The following GAS2 variants were observed in gnomAD, a reference collection of about 807,000 sequenced individuals.
GAS2 encodes growth arrest-specific protein 2.
A neutral mutation model predicts 37.5 loss-of-function variants in GAS2; 20 were observed. The observed-to-expected ratio is 0.53, with a 90% CI of 0.37 to 0.77. The LOEUF (loss-of-function observed/expected upper bound fraction) is 0.77, where lower values mean the gene tolerates loss of function less well. Ranked by LOEUF, GAS2 falls within the 30% of genes least tolerant of loss-of-function variation. The pLI, the probability that GAS2 is intolerant of heterozygous loss-of-function variation, is 0.00. For synonymous variants in GAS2, 144 were observed against 132.2 expected (o/e 1.09, Z -0.61); for missense variants, 336 against 373.4 (o/e 0.90, Z 0.82).
At chr11:22,652,069 G>C (rs564882749) in intron 1 of GAS2, among the ~76,000 whole-genome samples, 4 of 152,282 alleles carry the variant, frequency 2.6e-5, no homozygotes, top group African/African-American at 7.2e-5. Context: ...TTTAGTCTTT[G>C]ATGATGGTGA....
At chr11:22,737,966 C>G (rs1852846773) in intron 5 of GAS2, among the ~76,000 whole-genome samples, 198 bp downstream of exon 5, 1 of 152,196 alleles carries the variant, frequency 6.6e-6, no homozygotes, top group Admixed American at 6.5e-5. Flanking sequence ...ACCTCAAGAT[C>G]TTGTTGTCAA....
At chr11:22,758,039 G>A (rs964509828) in intron 7 of GAS2, among the ~76,000 whole-genome samples, 2 of 152,126 alleles carry the variant, frequency 1.3e-5, no homozygotes, top group African/African-American at 4.8e-5. Flanking sequence ...GATTATGCTA[G>A]TACTTTCAGT....
At chr11:22,655,714 G>A (rs1848846938) in intron 1 of GAS2, among the ~76,000 whole-genome samples, 1 of 152,136 alleles carries the variant, frequency 6.6e-6, no homozygotes, top group African/African-American at 2.4e-5. Flanking sequence ...TGTATGATTT[G>A]GCAGGGCTCA....
chr11:22,677,789 C>A (rs1019470146), intron 2 of GAS2, among the ~76,000 whole-genome samples: 1 of 152,262 alleles, frequency 6.6e-6, no homozygotes. Context: ...AGTCACTCAG[C>A]TATCTTTTCT....
intron 7 of GAS2, among the ~76,000 whole-genome samples, chr11:22,783,106 G>A (rs1459836062): frequency 2.6e-5 from 4 of 151,910 alleles, no homozygotes; most frequent in Non-Finnish European, 4.4e-5. Context: ...GCTTGCCAAC[G>A]TCCTTTTCTT....
At chr11:22,765,180 G>A (rs1341608696) in intron 7 of GAS2, among the ~76,000 whole-genome samples, 1 of 152,074 alleles carries the variant, frequency 6.6e-6, no homozygotes, top group African/African-American at 2.4e-5. Context: ...GATGTTGTGT[G>A]TGTGTATATA....
At chr11:22,641,283 TATATCTTTATA>T (rs1848625356) in intron 1 of GAS2, among the ~76,000 whole-genome samples, 4 of 112,500 alleles carry the variant, frequency 3.6e-5, no homozygotes, top group East Asian at 2.7e-4. Flanking sequence ...TATATATATC[TATATCTTTATA>T]TATATATCTT....
chr11:22,766,357 T>G (rs139917247), intron 7 of GAS2, among the ~76,000 whole-genome samples: 14 of 152,104 alleles, frequency 9.2e-5, no homozygotes, highest in Non-Finnish European at 1.9e-4. Context: ...GATTACACAG[T>G]AAGTGTCAAA....
intron 7 of GAS2, among the ~76,000 whole-genome samples, chr11:22,796,854 G>A (rs996471681): frequency 1.3e-5 from 2 of 152,070 alleles, no homozygotes; most frequent in Non-Finnish European, 2.9e-5. Flanking sequence ...ATGTGGCCCT[G>A]TCTGCTTAGT....
At chr11:22,693,194 G>T (rs2133980328) in intron 3 of GAS2, among the ~76,000 whole-genome samples, 1 of 152,284 alleles carries the variant, frequency 6.6e-6, no homozygotes, top group Non-Finnish European at 1.5e-5. Context: ...GCTGGAGATG[G>T]TGTATAGGAT....
chr11:22,733,066 A>G (rs1169304345), intron 4 of GAS2, among the ~76,000 whole-genome samples: 3 of 151,526 alleles, frequency 2.0e-5, no homozygotes, highest in Non-Finnish European at 3.0e-5. Flanking sequence ...CCATGCCTAT[A>G]CTGCTGGTCT....
chr11:22,662,603 C>T (rs996510957), upstream of GAS2, among the ~76,000 whole-genome samples: 2 of 151,858 alleles, frequency 1.3e-5, no homozygotes, highest in Non-Finnish European at 2.9e-5. Flanking sequence ...AGTAACATGA[C>T]ATAGACTTTT....
chr11:22,727,398 C>T (rs1321551536), intron 4 of GAS2, among the ~76,000 whole-genome samples: 1 of 152,008 alleles, frequency 6.6e-6, no homozygotes, highest in East Asian at 1.9e-4. Flanking sequence ...ACCTTCCAAA[C>T]AGCCAAAATG....
In GAS2 at chr11:22,641,259, T is replaced by C. The variant is rs1046920488; in HGVS notation, c.-21+15446T>C. On this transcript the variant is annotated intron_variant, in intron 1 of 5. Transcript: ENST00000528582. ...ATATATGTGTATATATATATATCTT[T>C]ATATATATATCTTTATATATATCTA... Among the ~76,000 whole-genome samples, 15 of 138,666 alleles carry C rather than the reference T, an allele frequency of 1.1e-4. No homozygotes were observed. The South Asian group carries it at 2.8e-3, about 26-fold the overall frequency. The allele number at this position is 138,666 out of a possible 152,430, so 91.0% of individuals were successfully genotyped here.
intron 7 of GAS2, among the ~76,000 whole-genome samples, chr11:22,802,011 A>T (rs115375177): frequency 0.015 from 2,287 of 148,218 alleles, 64 homozygotes; most frequent in African/African-American, 0.053. Context: ...GAGAAAATAT[A>T]AAAAAAAAAG....
rs533316502 is a variant in GAS2 at position 22,650,903 on chromosome 11, A to G, written c.-20-23947A>G. Among the ~76,000 whole-genome samples the G allele has an allele frequency of 2.6e-3, 389 of 150,884 alleles. 3 individuals are homozygous for G. The highest frequency in any genetic ancestry group is 9.1e-3 in the African/African-American group (377 of 41,382). ...CCAGTCTGTGTCTTTTAATTGGAGC[A>G]TTTAGTCCATTTACATTTAAAGTTA... On this transcript the variant is annotated intron_variant, in intron 1 of 5. Coordinates refer to the GAS2 transcript ENST00000528582.
intron 1 of GAS2, among the ~76,000 whole-genome samples, chr11:22,658,186 C>G (rs2133842128): frequency 1.3e-5 from 2 of 152,132 alleles, no homozygotes; most frequent in South Asian, 4.2e-4. Flanking sequence ...CCACCATGCT[C>G]AGCTAATTTT....
intron 7 of GAS2, among the ~76,000 whole-genome samples, chr11:22,779,724 A>T (rs375135511): frequency 6.9e-6 from 1 of 145,148 alleles, no homozygotes; most frequent in Non-Finnish European, 1.5e-5. Flanking sequence ...AAAAAAAAAA[A>T]CCAAACAAAC....
intron 1 of GAS2, among the ~76,000 whole-genome samples, chr11:22,642,096 AT>A (rs1228138835): frequency 6.6e-6 from 1 of 152,186 alleles, no homozygotes; most frequent in African/African-American, 2.4e-5. Context: ...TTTATTGAGA[AT>A]TTTGAAGCAC....
Sources: allele counts gnomAD v4.1 joint callset (sites outside exome capture counted in the v4.1 genomes callset), GRCh38; gene constraint gnomAD v4.1.1; transcripts MANE v1.5; gene names NCBI Gene and HGNC (gene_info 2026-07-23, HGNC 2026-07-21).